The following NUP85 variants were observed in gnomAD, a reference collection of about 807,000 sequenced individuals.
NUP85 encodes the protein nucleoporin 85.
Under a neutral mutation model 92.8 loss-of-function variants are expected in NUP85, and 23 were observed. The ratio of observed to expected loss-of-function variants is 0.25; its 90% CI spans 0.18 to 0.35. NUP85 has a LOEUF of 0.35. Among genes scored for constraint, NUP85 ranks in the 10% least tolerant of loss-of-function variants. The pLI is 1.00. For missense variants in NUP85, 759 were observed against 822.8 expected (o/e 0.92, Z 0.95); for synonymous variants, 314 against 306.9 (o/e 1.02, Z -0.24).
chr17:75,215,856 G>A, intron 6 of NUP85, 33 bp downstream of exon 6: 2 of 1,558,572 alleles, frequency 1.3e-6, no homozygotes, highest in Non-Finnish European at 1.8e-6. Context: ...TAATCTCATA[G>A]GTGTCCCCTT....
At chr17:75,215,636 A>G (rs2145300017) in intron 5 of NUP85, 118 bp from the exon 6 acceptor site, 2 of 865,130 alleles carry the variant, frequency 2.3e-6, no homozygotes, top group Non-Finnish European at 1.9e-6. Flanking sequence ...GTAGGATTGC[A>G]GTAACCTTTG....
chr17:75,216,216 T>A (rs2075426035), intron 6 of NUP85: 1 of 192,140 alleles, frequency 5.2e-6, no homozygotes, highest in South Asian at 1.0e-4. Context: ...CAACTCTGTG[T>A]GTTAACTCTG....
At chr17:75,214,316 G>A (rs1466017415) in intron 5 of NUP85, among the ~76,000 whole-genome samples, 1 of 152,120 alleles carries the variant, frequency 6.6e-6, no homozygotes, top group African/African-American at 2.4e-5. Flanking sequence ...AGTCATCATG[G>A]TGTCTGTGGA....
In NUP85 at chr17:75,232,860, T is replaced by G; in HGVS notation, c.1406T>G (p.Ile469Ser). ...QRQMTEQVRS[I>S]CKILAMKAVR... ...CTTTTCCCCTGCAAAGTTCGCAGCA[T>G]TTGTAAGATCTTAGCCATGAAAGCC... Residue 469 changes from isoleucine (I) to serine (S), a missense_variant, in exon 15 of 19, where the codon ATT becomes AGT. Physicochemically the swap from Ile to Ser is moderately radical, Grantham distance 142. Coordinates refer to ENST00000245544, the MANE Select transcript of NUP85 (RefSeq NM_024844.5). 1 of 1,613,946 alleles carries G rather than the reference T, an allele frequency of 6.2e-7. No homozygotes were observed. The highest frequency in any genetic ancestry group is 8.5e-7 in the Non-Finnish European group (1 of 1,179,858).
At chr17:75,213,862 G>GGTTT (rs1568071585) in intron 5 of NUP85, among the ~76,000 whole-genome samples, 4 of 122,014 alleles carry the variant, frequency 3.3e-5, no homozygotes, top group Non-Finnish European at 5.1e-5. Context: ...CAAAACTCAA[G>GGTTT]TTTTTTTTTT....
intron 5 of NUP85, among the ~76,000 whole-genome samples, chr17:75,213,845 C>A (rs2075344936): frequency 1.3e-5 from 2 of 150,804 alleles, no homozygotes; most frequent in Admixed American, 6.6e-5. Context: ...TGAGCTGCCA[C>A]ACCTGGCAAA....
At chr17:75,234,403 CTG>C (rs2145436708) in intron 16 of NUP85, among the ~76,000 whole-genome samples, 1 of 152,254 alleles carries the variant, frequency 6.6e-6, no homozygotes, top group African/African-American at 2.4e-5. Flanking sequence ...TATTTTGACT[CTG>C]ATGTTTCCCC....
In NUP85 at chr17:75,210,109, T is replaced by G. The variant is rs892664307; in HGVS notation, c.290+124T>G. The G allele has an allele frequency of 4.4e-6, 4 of 915,408 alleles. No individual in the cohort carries two copies. The African/African-American group carries it at 6.9e-5, about 16-fold the overall frequency. The allele number at this position is 915,408 out of a possible 1,614,324, so 56.7% of individuals were successfully genotyped here. On this transcript the variant is annotated intron_variant, in intron 3 of 18. Coordinates refer to ENST00000245544, the MANE Select transcript of NUP85 (RefSeq NM_024844.5). ...AGAAATAAGAGACTCCTGGTTCTAG[T>G]TGAGGCATGAGTACTGGACAGTGTA...
At chr17:75,229,215 C>T (rs1375517240) in intron 11 of NUP85, 1 of 958,280 alleles carries the variant, frequency 1.0e-6, no homozygotes, top group African/African-American at 1.8e-5. Context: ...TATTTTGGCC[C>T]AGCCCACAAT....
At chr17:75,212,247 GT>G (rs1219393857) in intron 4 of NUP85, among the ~76,000 whole-genome samples, 185 bp downstream of exon 4, 1 of 3,670 alleles carries the variant, frequency 2.7e-4, no homozygotes, top group African/African-American at 3.4e-4. Context: ...TTTTGTTGTT[GT>G]TTTTTTTTTT....
At position 75,231,788 on chromosome 17, in the gene NUP85, G is replaced by A; in HGVS notation, c.1245-40G>A. On this transcript the variant is annotated intron_variant, in intron 13 of 18. Transcript: ENST00000245544. The surrounding 1 kb of genome is among the most constrained non-coding windows in gnomAD (Gnocchi z 4.6). ...TGTAGGTGCCAGTCCTCGGAGCCAT[G>A]AGGCAGCACCTCATGTCTGTCCTCC... 1 of 1,612,104 alleles carries A rather than the reference G, an allele frequency of 6.2e-7. No homozygotes were observed. Among genetic ancestry groups the A allele is most frequent in the Non-Finnish European group, 8.5e-7 (1 of 1,178,708 alleles).
At chr17:75,216,195 T>C (rs150972250) in intron 6 of NUP85, 15 of 236,972 alleles carry the variant, frequency 6.3e-5, no homozygotes, top group East Asian at 3.8e-4. Context: ...TCATGAATCA[T>C]TGGGACAGGG....
chr17:75,210,019 A>T (rs1321363851), intron 3 of NUP85, 34 bp downstream of exon 3: 1 of 1,573,824 alleles, frequency 6.4e-7, no homozygotes, highest in East Asian at 2.3e-5. Flanking sequence ...TGAAGCCCAC[A>T]CTACACTGTG....
rs1395678429 is a variant in NUP85, at chr17:75,235,729, T to TAAAAG, written c.*53_*57dup. On this transcript the variant is annotated 3_prime_UTR_variant, in exon 19 of 19. Transcript: ENST00000245544. Reference sequence around the variant, plus strand: ...GTATGGCAATGTATATAGATTTTTTTAAAAGAATAAATGTTGTTTTGCAAA... The same window carrying TAAAAG: ...GTATGGCAATGTATATAGATTTTTTTAAAAGAAAAGAATAAATGTTGTTTTGCAAA... The TAAAAG allele has an allele frequency of 1.1e-6, 1 of 938,088 alleles. No homozygotes were observed. The highest frequency in any genetic ancestry group is 1.7e-5 in the African/African-American group (1 of 57,290). The allele number at this position is 938,088 out of a possible 1,614,324, so 58.1% of individuals were successfully genotyped here.
In NUP85 at chr17:75,227,326, GTTTT is replaced by G. The variant is rs71159460; in HGVS notation, c.1094+1192_1094+1195del. Reference sequence around the variant, plus strand: ...AAGTTTTTTGTGTGTTTGTTTCTGGGTTTTTTTTTTTTTTTTTTTTTTTTTTGAG... The same window carrying G: ...AAGTTTTTTGTGTGTTTGTTTCTGGGTTTTTTTTTTTTTTTTTTTTTTGAG... On this transcript the variant is annotated intron_variant, in intron 11 of 18. Transcript: ENST00000245544. Among the ~76,000 whole-genome samples, 38 of 114,130 alleles carry G rather than the reference GTTTT, an allele frequency of 3.3e-4. 1 individual carries two copies. Among genetic ancestry groups the G allele is most frequent in the African/African-American group, 8.4e-4 (24 of 28,670 alleles). 74.9% of individuals were successfully genotyped at this position (114,130 alleles called of 152,430 possible). A position where few individuals can be genotyped will look rare whatever the true frequency, so the allele number is the denominator to read the frequency against.
At position 75,225,849 on chromosome 17, in the gene NUP85, G is replaced by A; in HGVS notation, c.987+20G>A. 5 of 1,613,084 alleles carry A rather than the reference G, an allele frequency of 3.1e-6. No homozygotes were observed. The highest frequency in any genetic ancestry group is 4.2e-6 in the Non-Finnish European group (5 of 1,179,442). On this transcript the variant is annotated intron_variant, in intron 10 of 18. Coordinates refer to ENST00000245544, the MANE Select transcript of NUP85 (RefSeq NM_024844.5). The stretch of plus-strand genomic sequence containing the variant: ...GCCCAGGTGAGTGAGCTCGGGGTGG[G>A]CAAGGGTGGGGGTAGGAGTCCTGGG...
At chr17:75,227,101 A>C (rs2075826664) in intron 11 of NUP85, 1 of 162,346 alleles carries the variant, frequency 6.2e-6, no homozygotes, top group East Asian at 1.8e-4. Context: ...TGGGCATTGC[A>C]CTGAAGACGT....
chr17:75,206,356 T>C (rs1034571580), intron 1 of NUP85, among the ~76,000 whole-genome samples: 4 of 152,128 alleles, frequency 2.6e-5, no homozygotes, highest in Non-Finnish European at 5.9e-5. Flanking sequence ...GTTGGATTGC[T>C]CTTGTTTTCC....
chr17:75,235,641 C>G lies in NUP85; in HGVS notation c.1933C>G (p.Arg645Gly). 2 of 1,614,022 alleles carry G rather than the reference C, an allele frequency of 1.2e-6. No individual in the cohort carries two copies. The highest frequency in any genetic ancestry group is 2.2e-5 in the South Asian group (2 of 91,068). ...ACTTTCTCTGGCACGAAATCTTGCT[C>G]GGGCAATTATAAGAGAAGGCTCACT... The part of the protein sequence containing the change: ...LRLSLARNLA[R>G]AIIREGSLEG... Residue 645 changes from arginine (R) to glycine (G), a missense_variant, in exon 19 of 19, where the codon CGG becomes GGG. Physicochemically the swap from Arg to Gly is moderately radical, Grantham distance 125. Coordinates refer to ENST00000245544, the MANE Select transcript of NUP85 (RefSeq NM_024844.5).
Sources: allele counts gnomAD v4.1 joint callset (sites outside exome capture counted in the v4.1 genomes callset), GRCh38; gene constraint gnomAD v4.1.1; non-coding constraint Gnocchi (gnomAD v3.1); transcripts MANE v1.5; gene names NCBI Gene and HGNC (gene_info 2026-07-23, HGNC 2026-07-21).